TRIM29: variants seen among roughly 807,000 people sequenced by gnomAD.
TRIM29 encodes tripartite motif containing 29.
TRIM29 carries 52 observed loss-of-function variants against 57.3 expected under a neutral mutation model. The ratio of observed to expected loss-of-function variants is 0.91; its 90% CI spans 0.73 to 1.14. The LOEUF (loss-of-function observed/expected upper bound fraction) is 1.14, where lower values mean the gene tolerates loss of function less well. Among genes scored for constraint, TRIM29 ranks in the 50% most tolerant of loss-of-function variants. TRIM29 has a pLI of 0.00. For missense variants in TRIM29, 753 were observed against 774.6 expected, an observed-to-expected ratio of 0.97 and a Z score of 0.33; for synonymous variants, 319 against 316.9, an observed-to-expected ratio of 1.01 and a Z score of -0.07.
chr11:120,121,004 G>A (rs1863431621), intron 5 of TRIM29: 2 of 392,756 alleles, frequency 5.1e-6, no homozygotes, highest in Non-Finnish European at 9.7e-6. Context: ...GGCCCACCCA[G>A]GCTGCTGCTT....
At chr11:120,115,245 C>T in intron 8 of TRIM29, 93 bp downstream of exon 8, 2 of 1,294,138 alleles carry the variant, frequency 1.5e-6, no homozygotes, top group South Asian at 2.5e-5. Context: ...AGAAGTCCTC[C>T]CACAGGCCCT....
chr11:120,117,977 T>G, intron 7 of TRIM29: 1 of 528,424 alleles, frequency 1.9e-6, no homozygotes, highest in Non-Finnish European at 3.4e-6. Flanking sequence ...GAGCTGTTGT[T>G]GCAGCGTGTA....
chr11:120,137,064 G>T lies in TRIM29; in HGVS notation c.804+164C>A, dbSNP rs757105664. On this transcript the variant is annotated intron_variant, in intron 1 of 8. Transcript: ENST00000341846. The surrounding 1 kb of genome is among the most constrained non-coding windows in gnomAD (Gnocchi z 6.2). ...ACCTCTGATCCCCAGCTGGGATTAGGGGGGACAGGGGGCATGAGGGGAAAT... is the reference window on the plus strand; with the variant it reads ...ACCTCTGATCCCCAGCTGGGATTAGTGGGGACAGGGGGCATGAGGGGAAAT... Among the ~76,000 whole-genome samples the T allele has an allele frequency of 2.0e-5, 3 of 152,168 alleles. No homozygotes were observed. Among genetic ancestry groups the T allele is most frequent in the African/African-American group, 7.2e-5 (3 of 41,442 alleles).
chr11:120,132,262 G>C (rs1450934313), intron 1 of TRIM29, among the ~76,000 whole-genome samples: 1 of 146,696 alleles, frequency 6.8e-6, no homozygotes, highest in Non-Finnish European at 1.5e-5. Flanking sequence ...TGAGGCCCCA[G>C]CTTTCTCTCT....
At chr11:120,126,962 C>A (rs369485408) in intron 3 of TRIM29, among the ~76,000 whole-genome samples, 2 of 152,138 alleles carry the variant, frequency 1.3e-5, no homozygotes, top group Non-Finnish European at 2.9e-5. Flanking sequence ...AATAGACAAA[C>A]GGACTAGATC....
intron 4 of TRIM29, 187 bp downstream of exon 4, chr11:120,125,504 G>A: frequency 1.6e-6 from 1 of 610,746 alleles, no homozygotes; most frequent in Non-Finnish European, 2.8e-6. Context: ...AACTTTGGCA[G>A]CAAGTTCAAA....
chr11:120,136,681 C>T (rs1477085959), intron 1 of TRIM29, among the ~76,000 whole-genome samples: 2 of 151,938 alleles, frequency 1.3e-5, no homozygotes, highest in Non-Finnish European at 1.5e-5. Context: ...CAAGAAGGAC[C>T]TTTCAGTGGG....
At chr11:120,133,618 C>T (rs1197988847) in intron 1 of TRIM29, among the ~76,000 whole-genome samples, 2 of 152,218 alleles carry the variant, frequency 1.3e-5, no homozygotes, top group African/African-American at 2.4e-5. Context: ...TGGGCCCAGC[C>T]CCTCCAGGGC....
rs764973176 is a variant in TRIM29, at chr11:120,137,986, C to T, written c.46G>A (p.Ala16Thr). The T allele has an allele frequency of 6.9e-6, 11 of 1,603,574 alleles. No homozygotes were observed. In the Admixed American group the frequency reaches 1.7e-4, roughly 24 times the overall value. Residue 16 changes from alanine (A) to threonine (T), a missense_variant, in exon 1 of 9, where the codon GCC becomes ACC. Transcript: ENST00000341846. This position sits in a 1 kb window ranked among gnomAD's most constrained non-coding sequence, Gnocchi z 6.2. ...ASRSNGSSPE[A>T]RDARSPSGPS... The stretch of plus-strand genomic sequence containing the variant: ...CCCGACGGGCTCCGGGCATCCCTGG[C>T]TTCTGGGCTCGACCCGTTGCTCCTG...
chr11:120,134,870 G>A (rs1402003730), intron 1 of TRIM29, among the ~76,000 whole-genome samples: 5 of 152,194 alleles, frequency 3.3e-5, no homozygotes, highest in African/African-American at 4.8e-5. Context: ...GGTGAGGGAG[G>A]ACACTGAGGG....
chr11:120,128,284 A>G lies in TRIM29; in HGVS notation c.900+116T>C, dbSNP rs1863640800. 17 of 806,970 alleles carry G rather than the reference A, an allele frequency of 2.1e-5. No homozygotes were observed. In the Admixed American group the frequency reaches 4.0e-4, roughly 19 times the overall value. 50.0% of individuals were successfully genotyped at this position (806,970 alleles called of 1,614,324 possible). A position where few individuals can be genotyped will look rare whatever the true frequency, so the allele number is the denominator to read the frequency against. ...CAGAGGAGGTGGGAGAAGCCAGAAG[A>G]AACATATTGGGATGTCTACGTGGGC... On this transcript the variant is annotated intron_variant, in intron 2 of 8. Transcript: ENST00000341846.
In TRIM29 at chr11:120,123,953, T is replaced by C. The variant is rs117700333; in HGVS notation, c.1334-898A>G. 28 of 164,986 alleles carry C rather than the reference T, an allele frequency of 1.7e-4. No individual in the cohort carries two copies. In the East Asian group the frequency reaches 4.5e-3, roughly 26 times the overall value. The allele number at this position is 164,986 out of a possible 1,614,324, so 10.2% of individuals were successfully genotyped here. On this transcript the variant is annotated intron_variant, in intron 4 of 8. Transcript: ENST00000341846. ...GCCTTTGAGGGTGTGGACGAGTCCC[T>C]GGTCTGGTGGGCAGGCTAGCATCGG... is the stretch of plus-strand genomic sequence containing the variant.
chr11:120,127,508 A>G lies in TRIM29; in HGVS notation c.962T>C (p.Leu321Pro). 6.2e-7 allele frequency: 1 copy of G among 1,614,158 alleles called. No homozygotes were observed. ...EQNFRDLVRD[L>P]EKQKEEVRAA... ...CCTCACTTCCTCCTTTTGCTTCTCC[A>G]GGTCCCGCACCAGGTCCCGGAAGTT... Residue 321 changes from leucine (L) to proline (P), a missense_variant, in exon 3 of 9, where the codon CTG (leucine) becomes CCG (proline). Physicochemically the swap from Leu to Pro is moderately conservative, Grantham distance 98. Transcript: ENST00000341846.
At position 120,128,797 on chromosome 11, in the gene TRIM29, G is replaced by A. The variant is rs565981505; in HGVS notation, c.805-302C>T. The A allele has an allele frequency of 5.2e-6, 8 of 1,531,324 alleles. No individual in the cohort carries two copies. The African/African-American group carries it at 9.6e-5, about 18-fold the overall frequency. 94.9% of individuals were successfully genotyped at this position (1,531,324 alleles called of 1,614,324 possible). ...TGCCTATCTCCTCCACCCAGCAAGA[G>A]CAGGAGGGAAACTCATTTACAGGGT... On this transcript the variant is annotated intron_variant, in intron 1 of 8. Coordinates refer to ENST00000341846, the MANE Select transcript of TRIM29 (RefSeq NM_012101.4).
intron 4 of TRIM29, 107 bp from the exon 5 acceptor site, chr11:120,123,162 C>G (rs758006353): frequency 8.9e-6 from 8 of 895,708 alleles, no homozygotes; most frequent in Non-Finnish European, 1.5e-5. Context: ...CTTCCCCTAT[C>G]TCCCAGGCAG....
At chr11:120,134,313 G>A (rs556442532) in intron 1 of TRIM29, among the ~76,000 whole-genome samples, 18 of 152,278 alleles carry the variant, frequency 1.2e-4, no homozygotes, top group Admixed American at 3.9e-4. Flanking sequence ...TGTCATCGTA[G>A]CCTCACACCA....
At position 120,123,096 on chromosome 11, in the gene TRIM29, G is replaced by A. The variant is rs774815304; in HGVS notation, c.1334-41C>T. 6 of 1,585,752 alleles carry A rather than the reference G, an allele frequency of 3.8e-6. No homozygotes were observed. In the East Asian group the frequency reaches 6.7e-5, roughly 18 times the overall value. Reference sequence around the variant, plus strand: ...TCGGGTCAGCAGAGGAGCCAGGTGGGAAGGAGGAGCCAGCCACTGGGGACT... The same window carrying A: ...TCGGGTCAGCAGAGGAGCCAGGTGGAAAGGAGGAGCCAGCCACTGGGGACT... On this transcript the variant is annotated intron_variant, in intron 4 of 8. Coordinates refer to ENST00000341846, the MANE Select transcript of TRIM29 (RefSeq NM_012101.4).
intron 3 of TRIM29, 82 bp downstream of exon 3, chr11:120,127,254 T>C: frequency 8.4e-7 from 1 of 1,194,324 alleles, no homozygotes; most frequent in Non-Finnish European, 1.2e-6. Context: ...AGTGGATAGG[T>C]GGATGGATGG....
intron 6 of TRIM29, 94 bp from the exon 7 acceptor site, chr11:120,118,415 G>T (rs10466596): frequency 0.31 from 283,263 of 921,740 alleles, 48,073 homozygotes; most frequent in Non-Finnish European, 0.35. Context: ...CTCTCTAGCC[G>T]CTGGCCACAA....
Sources: gnomAD v4.1 joint callset for allele counts (sites outside exome capture counted in the v4.1 genomes callset) on GRCh38, gnomAD v4.1.1 for gene constraint, Gnocchi (gnomAD v3.1) non-coding constraint, MANE v1.5 for transcripts, NCBI Gene and HGNC (gene_info 2026-07-23, HGNC 2026-07-21) for gene names.